The following PATJ variants were observed in gnomAD, a reference collection of about 807,000 sequenced individuals.
PATJ encodes the protein PATJ crumbs cell polarity complex component.
A neutral mutation model predicts 224.9 loss-of-function variants in PATJ; 190 were observed. The ratio of observed to expected loss-of-function variants is 0.84; its 90% CI spans 0.75 to 0.95. PATJ has a LOEUF of 0.95. Among genes scored for constraint, PATJ ranks in the 40% least tolerant of loss-of-function variants. The pLI, the probability that PATJ is intolerant of heterozygous loss-of-function variation, is 0.00. For synonymous variants in PATJ, 769 were observed against 820.3 expected, an observed-to-expected ratio of 0.94 and a Z score of 1.07; for missense variants, 2,121 against 2,270.3, an observed-to-expected ratio of 0.93 and a Z score of 1.34.
At chr1:62,110,125 G>A (rs143501334) in intron 34 of PATJ, among the ~76,000 whole-genome samples, 39 of 152,284 alleles carry the variant, frequency 2.6e-4, no homozygotes, top group African/African-American at 9.4e-4. Flanking sequence ...TGGCCTATAC[G>A]TCTCATTAAA....
At chr1:62,134,108 C>G (rs1207584883) in intron 41 of PATJ, among the ~76,000 whole-genome samples, 1 of 151,788 alleles carries the variant, frequency 6.6e-6, no homozygotes, top group Non-Finnish European at 1.5e-5. Flanking sequence ...AGATCCCATG[C>G]CTCAGACCCA....
At chr1:62,039,920 C>T (rs576162158) in intron 30 of PATJ, among the ~76,000 whole-genome samples, 10 of 151,726 alleles carry the variant, frequency 6.6e-5, no homozygotes, top group Admixed American at 1.3e-4. Flanking sequence ...TCATATCTCT[C>T]GAGGCAGTCT....
At chr1:61,991,222 A>G (rs1365338115) in intron 28 of PATJ, among the ~76,000 whole-genome samples, 1 of 152,118 alleles carries the variant, frequency 6.6e-6, no homozygotes, top group East Asian at 1.9e-4. Context: ...GATGATGACA[A>G]TAACAGCTAA....
At chr1:62,069,877 T>G (rs1360886866) in intron 31 of PATJ, among the ~76,000 whole-genome samples, 1 of 142,924 alleles carries the variant, frequency 7.0e-6, no homozygotes, top group Non-Finnish European at 1.6e-5. Flanking sequence ...AGGTAGCAGT[T>G]ATTGCATTCT....
intron 9 of PATJ, among the ~76,000 whole-genome samples, chr1:61,795,120 A>AG (rs1650795809): frequency 6.6e-6 from 1 of 151,358 alleles, no homozygotes; most frequent in Admixed American, 6.6e-5. Flanking sequence ...AAAAAAAAAA[A>AG]AAGAAGTTTT....
chr1:61,999,758 T>G (rs77385308), intron 28 of PATJ, among the ~76,000 whole-genome samples: 18,386 of 152,214 alleles, frequency 0.12, 1,334 homozygotes, highest in Non-Finnish European at 0.17. Flanking sequence ...TATTATAAGA[T>G]CTCAGGCAAC....
intron 41 of PATJ, among the ~76,000 whole-genome samples, chr1:62,134,447 G>A (rs1227144943): frequency 1.3e-5 from 2 of 150,000 alleles, no homozygotes; most frequent in Non-Finnish European, 3.0e-5. Flanking sequence ...CCAGGTTCAA[G>A]CGATTCTCCT....
At chr1:61,891,200 G>T (rs541804237) in intron 22 of PATJ, among the ~76,000 whole-genome samples, 2 of 152,288 alleles carry the variant, frequency 1.3e-5, no homozygotes, top group South Asian at 4.2e-4. Flanking sequence ...ATGGCTTCAG[G>T]TATTGGACAC....
At chr1:62,013,657 G>A (rs1035490044) in intron 28 of PATJ, 2 of 236,742 alleles carry the variant, frequency 8.4e-6, no homozygotes, top group Non-Finnish European at 1.4e-5. Flanking sequence ...AAGACAGGAG[G>A]GTAGGATAGG....
At chr1:61,869,223 C>G (rs1665921619) in intron 20 of PATJ, among the ~76,000 whole-genome samples, 1 of 147,726 alleles carries the variant, frequency 6.8e-6, no homozygotes, top group East Asian at 2.0e-4. Flanking sequence ...TCTCCTGCCT[C>G]AGCCTCCCAA....
chr1:61,746,234 G>T (rs769590482), intron 1 of PATJ, among the ~76,000 whole-genome samples: 1 of 152,118 alleles, frequency 6.6e-6, no homozygotes, highest in African/African-American at 2.4e-5. Context: ...GAGCCATCAC[G>T]CCTGGCCTCT....
intron 39 of PATJ, 57 bp from the exon 40 acceptor site, chr1:62,127,915 A>G (rs1558207651): frequency 1.9e-6 from 3 of 1,580,438 alleles, no homozygotes; most frequent in East Asian, 4.5e-5. Context: ...ATCTAGGGAT[A>G]GTCAGTTTGT....
chr1:62,059,509 C>T lies in PATJ; in HGVS notation c.4125+8451C>T, dbSNP rs368246457. Among the ~76,000 whole-genome samples, 708 of 151,584 alleles carry T rather than the reference C, an allele frequency of 4.7e-3. 7 individuals carry two copies. Among genetic ancestry groups the T allele is most frequent in the African/African-American group, 0.016 (671 of 41,300 alleles). ...GCACACATCTGTAATCCTAGATACT[C>T]GGGAGGCTGAGGCAGGAGAATCGCT... is the stretch of plus-strand genomic sequence containing the variant. On this transcript the variant is annotated intron_variant, in intron 31 of 43. Transcript: ENST00000642238.
intron 8 of PATJ, among the ~76,000 whole-genome samples, chr1:61,790,519 T>TTG (rs1570507288): frequency 6.9e-6 from 1 of 145,472 alleles, no homozygotes; most frequent in Non-Finnish European, 1.5e-5. Context: ...TTTTTTGTTT[T>TTG]TTTTTTTTGT....
intron 9 of PATJ, among the ~76,000 whole-genome samples, chr1:61,794,088 A>G (rs959989278): frequency 3.9e-5 from 6 of 151,908 alleles, no homozygotes; most frequent in African/African-American, 1.5e-4. Context: ...TTTTAGTAGA[A>G]ACAGGGTTTT....
At chr1:62,082,196 C>T (rs796200480) in intron 32 of PATJ, among the ~76,000 whole-genome samples, 12 of 151,966 alleles carry the variant, frequency 7.9e-5, no homozygotes, top group African/African-American at 2.9e-4. Context: ...AAATATGGCA[C>T]TTTTTATGGT....
At chr1:62,037,869 T>C in intron 29 of PATJ, 108 bp from the exon 30 acceptor site, 1 of 460,894 alleles carries the variant, frequency 2.2e-6, no homozygotes, top group Non-Finnish European at 4.0e-6. Flanking sequence ...TTTAATTCTA[T>C]GATGCTGTGT....
chr1:62,048,073 G>T (rs756887763), intron 30 of PATJ, among the ~76,000 whole-genome samples: 59 of 152,230 alleles, frequency 3.9e-4, no homozygotes, highest in Non-Finnish European at 6.9e-4. Context: ...ACCTTTTACT[G>T]CCTGGAGTTG....
At chr1:61,778,955 T>C (rs1272222735) in intron 7 of PATJ, among the ~76,000 whole-genome samples, 1 of 152,154 alleles carries the variant, frequency 6.6e-6, no homozygotes, top group African/African-American at 2.4e-5. Flanking sequence ...TGCCTCGGCC[T>C]CCCAAAGTGC....
Sources: gnomAD v4.1 joint callset for allele counts (sites outside exome capture counted in the v4.1 genomes callset) on GRCh38, gnomAD v4.1.1 for gene constraint, MANE v1.5 for transcripts, NCBI Gene and HGNC (gene_info 2026-07-23, HGNC 2026-07-21) for gene names.